Variants in GOLGA8A observed in about 807,000 individuals in gnomAD.
GOLGA8A encodes the protein golgin subfamily A member 8A.
GOLGA8A carries 3 observed loss-of-function variants against 22.1 expected under a neutral mutation model. The observed-to-expected ratio is 0.14, with a 90% CI of 0.06 to 0.35. The LOEUF (loss-of-function observed/expected upper bound fraction) is 0.35. Among genes scored for constraint, GOLGA8A ranks in the 10% least tolerant of loss-of-function variants. GOLGA8A has a pLI of 1.00. For synonymous variants in GOLGA8A, 7 were observed against 91.7 expected (o/e 0.08, Z 5.28); for missense variants, 16 against 233.2 (o/e 0.07, Z 6.07).
Position 34,379,538 on chromosome 15 carries a change from T to C in GOLGA8A, c.*1873A>G, listed in dbSNP as rs1206723176. 1 of 152,644 alleles carries C rather than the reference T, an allele frequency of 6.6e-6. No individual in the cohort carries two copies. The highest frequency in any genetic ancestry group is 1.9e-4 in the East Asian group (1 of 5,196). 9.5% of individuals were successfully genotyped at this position (152,644 alleles called of 1,614,324 possible). On this transcript the variant is annotated 3_prime_UTR_variant, in exon 25 of 25. Coordinates refer to ENST00000359187, the MANE Select transcript of GOLGA8A (RefSeq NM_181077.5). ...GTCAGTTGAAGTTACAAGGACCCAA[T>C]ATCTGCCCTCTTTCAGTGAATGCCG...
At chr15:34,428,175 C>T (rs1893066761) in intron 2 of GOLGA8A, among the ~76,000 whole-genome samples, 1 of 146,568 alleles carries the variant, frequency 6.8e-6, no homozygotes, top group South Asian at 2.3e-4. Context: ...CTCACTGCAG[C>T]CTCAACCTCC....
intron 7 of GOLGA8A, 150 bp downstream of exon 7, chr15:34,399,005 A>G (rs1891969711): frequency 7.2e-6 from 1 of 138,548 alleles, no homozygotes; most frequent in African/African-American, 2.5e-5. Context: ...GTGTCATTTT[A>G]CTGGGTTACC....
rs1228624749 is a variant in GOLGA8A, at chr15:34,428,191, T to C, written c.-1123+7192A>G. 2.0e-5 allele frequency among the ~76,000 whole-genome samples: 3 copies of C among 146,762 alleles called. No individual in the cohort carries two copies. The Admixed American group carries it at 2.1e-4, about 10-fold the overall frequency. The stretch of plus-strand genomic sequence containing the variant: ...TCACTGCAGCCTCAACCTCCTGGGC[T>C]TAAGCGATCCTCCCACCTCAGCCTC... On this transcript the variant is annotated intron_variant, in intron 2 of 24. Transcript: ENST00000359187.
intron 16 of GOLGA8A, among the ~76,000 whole-genome samples, chr15:34,384,640 TTATG>T (rs201360350): frequency 0.092 from 1,047 of 11,386 alleles, no homozygotes; most frequent in South Asian, 0.24. Context: ...CAGACATGTT[TTATG>T]TATATTATCA....
rs1376632201 is a variant in GOLGA8A at position 34,437,439 on chromosome 15, GC to G, written c.-1254del. The stretch of plus-strand genomic sequence containing the variant: ...GCTGCCCCGGTCCGCCGCCGTCCTC[GC>G]CGCGCCGCCGTCCTCGCCGCGCCGC... On this transcript the variant is annotated 5_prime_UTR_variant, in exon 1 of 25. Coordinates refer to ENST00000359187, the MANE Select transcript of GOLGA8A (RefSeq NM_181077.5). The G allele has an allele frequency of 3.1e-4, 43 of 138,630 alleles. 1 individual carries two copies. Among genetic ancestry groups the G allele is most frequent in the African/African-American group, 1.1e-3 (42 of 38,186 alleles). 8.6% of individuals were successfully genotyped at this position (138,630 alleles called of 1,614,324 possible).
intron 2 of GOLGA8A, among the ~76,000 whole-genome samples, chr15:34,431,073 T>C (rs1299159695): frequency 1.3e-5 from 2 of 148,668 alleles, no homozygotes; most frequent in Admixed American, 6.8e-5. Flanking sequence ...AAATCCATCA[T>C]CCCTAAATGC....
chr15:34,425,108 A>G (rs1031684054), intron 2 of GOLGA8A, among the ~76,000 whole-genome samples: 1 of 145,310 alleles, frequency 6.9e-6, no homozygotes, highest in Non-Finnish European at 1.5e-5. Context: ...AATAAATAAA[A>G]TAAGGCTTAT....
At chr15:34,418,624 G>C (rs1410137478) in intron 2 of GOLGA8A, 1 of 146,782 alleles carries the variant, frequency 6.8e-6, no homozygotes, top group Non-Finnish European at 1.5e-5. Flanking sequence ...ACGGAGTCTG[G>C]ACTCCACCCT....
At chr15:34,426,262 A>T (rs1320158423) in intron 2 of GOLGA8A, among the ~76,000 whole-genome samples, 1 of 149,856 alleles carries the variant, frequency 6.7e-6, no homozygotes, top group African/African-American at 2.5e-5. Context: ...TGCTTGCGCA[A>T]AGGACAAGGG....
chr15:34,435,090 C>T (rs1893439884), intron 2 of GOLGA8A, among the ~76,000 whole-genome samples: 1 of 149,440 alleles, frequency 6.7e-6, no homozygotes, highest in African/African-American at 2.5e-5. Context: ...TCACCTGAGG[C>T]CCTCACCTAT....
chr15:34,436,225 C>G lies in GOLGA8A; in HGVS notation c.-1211-754G>C, dbSNP rs754679633. 1.9e-4 allele frequency among the ~76,000 whole-genome samples: 29 copies of G among 149,480 alleles called. 5 individuals are homozygous for G. The highest frequency in any genetic ancestry group is 1.1e-3 in the Admixed American group (17 of 14,836). On this transcript the variant is annotated intron_variant, in intron 1 of 24. Transcript: ENST00000359187. ...ACCTGCACCTTAGGAAAACTTGTCC[C>G]ACTTCAACCTGCAAAGCTCTCAGGT...
In GOLGA8A at chr15:34,427,312, C is replaced by T. The variant is rs369024795; in HGVS notation, c.-1123+8071G>A. 3.1e-4 allele frequency among the ~76,000 whole-genome samples: 33 copies of T among 107,412 alleles called. 1 individual carries two copies. The highest frequency in any genetic ancestry group is 2.2e-3 in the East Asian group (8 of 3,684). The allele number at this position is 107,412 out of a possible 152,430, so 70.5% of individuals were successfully genotyped here. A position where few individuals can be genotyped will look rare whatever the true frequency, so the allele number is the denominator to read the frequency against. On this transcript the variant is annotated intron_variant, in intron 2 of 24. Coordinates refer to ENST00000359187, the MANE Select transcript of GOLGA8A (RefSeq NM_181077.5). ...TGCCACTGCACTCCAGCCTGGGTGACAGAGTGAGACTCCGTCACAAAAAAA... is the reference window on the plus strand; with the variant it reads ...TGCCACTGCACTCCAGCCTGGGTGATAGAGTGAGACTCCGTCACAAAAAAA...
intron 1 of GOLGA8A, among the ~76,000 whole-genome samples, chr15:34,437,103 TC>T (rs1893560034): frequency 6.8e-6 from 1 of 146,622 alleles, no homozygotes; most frequent in African/African-American, 2.5e-5. Flanking sequence ...GAGTGGCCCC[TC>T]GCCGCGGTGA....
intron 1 of GOLGA8A, among the ~76,000 whole-genome samples, chr15:34,436,851 G>A (rs1333633912): frequency 2.0e-5 from 3 of 149,958 alleles, no homozygotes; most frequent in African/African-American, 7.4e-5. Flanking sequence ...GCAACAAGGT[G>A]TGGGGTTTTT....
At chr15:34,430,419 G>C (rs573355414) in intron 2 of GOLGA8A, among the ~76,000 whole-genome samples, 1 of 149,094 alleles carries the variant, frequency 6.7e-6, no homozygotes, top group Admixed American at 6.8e-5. Flanking sequence ...TAGGAGCTGT[G>C]GGTCAGGAAA....
rs1015537413 is a variant in GOLGA8A, at chr15:34,380,872, C to G, written c.*539G>C. 1 of 207,866 alleles carries G rather than the reference C, an allele frequency of 4.8e-6. No homozygotes were observed. The highest frequency in any genetic ancestry group is 9.8e-6 in the Non-Finnish European group (1 of 102,222). The allele number at this position is 207,866 out of a possible 1,614,324, so 12.9% of individuals were successfully genotyped here. A position where few individuals can be genotyped will look rare whatever the true frequency, so the allele number is the denominator to read the frequency against. On this transcript the variant is annotated 3_prime_UTR_variant, in exon 25 of 25. Transcript: ENST00000359187. ...TTTCCAGTTCTCGGCCTTTAAACAG[C>G]TCTAAATGTCAGTACTCACAGTGGC...
intron 2 of GOLGA8A, chr15:34,418,132 A>ATTT (rs1566909699): frequency 1.8e-4 from 4 of 22,612 alleles, no homozygotes; most frequent in African/African-American, 2.8e-4. Flanking sequence ...AGATTCTTTA[A>ATTT]AAAAAAAAAA....
intron 2 of GOLGA8A, among the ~76,000 whole-genome samples, chr15:34,420,729 T>C (rs1176273716): frequency 7.9e-6 from 1 of 125,844 alleles, no homozygotes; most frequent in African/African-American, 2.9e-5. Flanking sequence ...GCAGACTTCA[T>C]GGCTGAAAGC....
Position 34,437,498 on chromosome 15 carries a change from GCCGT to G in GOLGA8A, c.-1316_-1313del, listed in dbSNP as rs1351825217. ...GCCGCGCCGCCGTCCTCGCCGCGCC[GCCGT>G]CCTCGCCGCGCCGCCGTCCTCGCCG... On this transcript the variant is annotated 5_prime_UTR_variant, in exon 1 of 25. Transcript: ENST00000359187. The G allele has an allele frequency of 2.2e-5, 1 of 45,622 alleles. No individual in the cohort carries two copies. Among genetic ancestry groups the G allele is most frequent in the African/African-American group, 1.2e-4 (1 of 8,604 alleles). The allele number at this position is 45,622 out of a possible 1,614,324, so 2.8% of individuals were successfully genotyped here. A position where few individuals can be genotyped will look rare whatever the true frequency, so the allele number is the denominator to read the frequency against.
Sources: gnomAD v4.1 joint callset for allele counts (sites outside exome capture counted in the v4.1 genomes callset) on GRCh38, gnomAD v4.1.1 for gene constraint, MANE v1.5 for transcripts, NCBI Gene and HGNC (gene_info 2026-07-23, HGNC 2026-07-21) for gene names.